The following GRAMD4 variants were observed in gnomAD, a reference collection of about 807,000 sequenced individuals.
GRAMD4 encodes the protein GRAM domain-containing protein 4.
Under a neutral mutation model 83.9 loss-of-function variants are expected in GRAMD4, and 25 were observed. The ratio of observed to expected loss-of-function variants is 0.30; its 90% CI spans 0.22 to 0.42. GRAMD4 has a LOEUF of 0.42. Ranked by LOEUF, GRAMD4 falls within the 10% of genes least tolerant of loss-of-function variation. GRAMD4 has a pLI of 1.00. For missense variants in GRAMD4, 593 were observed against 788.7 expected, an observed-to-expected ratio of 0.75 and a Z score of 2.97; for synonymous variants, 336 against 320.9, an observed-to-expected ratio of 1.05 and a Z score of -0.50.
intron 1 of GRAMD4, among the ~76,000 whole-genome samples, chr22:46,591,079 A>AAAAAC (rs879428379): frequency 0.087 from 13,190 of 151,974 alleles, 713 homozygotes; most frequent in East Asian, 0.27. Context: ...AGAAAAAAAA[A>AAAAAC]CAAACAAACC....
chr22:46,603,715 A>ATC (rs2081338132), intron 1 of GRAMD4, among the ~76,000 whole-genome samples: 1 of 149,216 alleles, frequency 6.7e-6, no homozygotes, highest in Non-Finnish European at 1.5e-5. Context: ...ACGGGGTTTC[A>ATC]ATGTGTTAGC....
chr22:46,662,232 G>T (rs533269251), intron 5 of GRAMD4, among the ~76,000 whole-genome samples: 46 of 152,324 alleles, frequency 3.0e-4, no homozygotes, highest in African/African-American at 1.0e-3. Context: ...GGGTGGCCTT[G>T]GGGTACACAG....
At chr22:46,628,819 G>A (rs191830986) in intron 2 of GRAMD4, among the ~76,000 whole-genome samples, 2 of 152,260 alleles carry the variant, frequency 1.3e-5, no homozygotes, top group East Asian at 3.9e-4. Context: ...AGAGCTGGCC[G>A]CTCCAGGGTG....
At chr22:46,643,538 CTG>C (rs2082022155) in intron 3 of GRAMD4, among the ~76,000 whole-genome samples, 1 of 152,230 alleles carries the variant, frequency 6.6e-6, no homozygotes, top group Non-Finnish European at 1.5e-5. Flanking sequence ...ATTATCTGGT[CTG>C]AGATCTTATT....
chr22:46,614,962 CGT>C (rs1324706627), intron 1 of GRAMD4, among the ~76,000 whole-genome samples: 8 of 37,960 alleles, frequency 2.1e-4, no homozygotes, highest in East Asian at 2.1e-3. Flanking sequence ...TAGGTTCCCC[CGT>C]GTGTAGGTTC....
At chr22:46,667,469 T>G (rs1044553591) in intron 10 of GRAMD4, among the ~76,000 whole-genome samples, 1 of 152,218 alleles carries the variant, frequency 6.6e-6, no homozygotes, top group Non-Finnish European at 1.5e-5. Context: ...GCATTACCCT[T>G]GAGTAGACGA....
intron 2 of GRAMD4, among the ~76,000 whole-genome samples, chr22:46,630,226 G>A (rs192079574): frequency 9.9e-5 from 15 of 152,134 alleles, no homozygotes; most frequent in Admixed American, 6.5e-4. Context: ...GGGTTTCGCC[G>A]TGTTGCCCAG....
At chr22:46,646,101 G>T (rs571210995) in intron 3 of GRAMD4, among the ~76,000 whole-genome samples, 1 of 152,212 alleles carries the variant, frequency 6.6e-6, no homozygotes, top group Non-Finnish European at 1.5e-5. Context: ...TCTTCTTCCT[G>T]TGTTGCTGGA....
intron 1 of GRAMD4, among the ~76,000 whole-genome samples, chr22:46,590,690 G>GCTCAGAGAGATTGGGGGAGA (rs1237563566): frequency 5.9e-5 from 9 of 152,344 alleles, no homozygotes; most frequent in African/African-American, 2.2e-4. Flanking sequence ...GAGGGGAGGA[G>GCTCAGAGAGATTGGGGGAGA]GAGCTCAGAG....
At chr22:46,681,685 C>A (rs1019547682), downstream of GRAMD4, among the ~76,000 whole-genome samples, 1 of 152,150 alleles carries the variant, frequency 6.6e-6, no homozygotes, top group Non-Finnish European at 1.5e-5. Flanking sequence ...CAGGGAGAGT[C>A]CAGAGGGGAA....
intron 10 of GRAMD4, among the ~76,000 whole-genome samples, chr22:46,667,232 G>A (rs896022610): frequency 1.3e-5 from 2 of 152,192 alleles, no homozygotes; most frequent in Non-Finnish European, 2.9e-5. Context: ...GGCTGGACAA[G>A]TGGACCTGTT....
chr22:46,600,009 G>C (rs2081297425), intron 1 of GRAMD4, among the ~76,000 whole-genome samples: 1 of 152,206 alleles, frequency 6.6e-6, no homozygotes, highest in South Asian at 2.1e-4. Flanking sequence ...CTGACCTTAA[G>C]GCCACCAGGA....
upstream of GRAMD4, among the ~76,000 whole-genome samples, chr22:46,619,185 A>T (rs1473514530): frequency 6.6e-6 from 1 of 152,200 alleles, no homozygotes; most frequent in African/African-American, 2.4e-5. Context: ...AATAGTGGCC[A>T]AGGTCGGGCA....
chr22:46,599,049 G>A (rs2081287815), intron 1 of GRAMD4, among the ~76,000 whole-genome samples: 1 of 152,162 alleles, frequency 6.6e-6, no homozygotes, highest in African/African-American at 2.4e-5. Context: ...CCAGGGAACT[G>A]TGTGACACAG....
At chr22:46,601,650 GCCAGACATGT>G (rs2081313631) in intron 1 of GRAMD4, among the ~76,000 whole-genome samples, 1 of 152,044 alleles carries the variant, frequency 6.6e-6, no homozygotes, top group Admixed American at 6.6e-5. Flanking sequence ...AAAAAAATTA[GCCAGACATGT>G]TGGCATGTGC....
chr22:46,633,977 G>A (rs987950447), intron 2 of GRAMD4, among the ~76,000 whole-genome samples: 2 of 152,216 alleles, frequency 1.3e-5, no homozygotes, highest in Admixed American at 6.5e-5. Flanking sequence ...CGTTACTCCT[G>A]GGCCACCCTC....
chr22:46,651,331 C>T (rs1387524447), intron 3 of GRAMD4, among the ~76,000 whole-genome samples: 1 of 152,344 alleles, frequency 6.6e-6, no homozygotes, highest in East Asian at 1.9e-4. Context: ...GGCCGGCCCT[C>T]GACCCTGGAA....
At position 46,672,993 on chromosome 22, in the gene GRAMD4, G is replaced by T. The variant is rs755919298; in HGVS notation, c.1235G>T (p.Arg412Leu). The change falls in exon 14 of 19, where the codon CGC (arginine) becomes CTC (leucine). Residue 412 changes from arginine to leucine, a missense_variant. Transcript: ENST00000406902. This position sits in a 1 kb window ranked among gnomAD's most constrained non-coding sequence, Gnocchi z 4.7. ...LKERSSAAVS[R>L]RLQTTSSRSY... ...GAGCGCTCCAGCGCCGCAGTCTCAC[G>T]CAGGGTGAGCCCGGCCCCCAGCTGC... 6.3e-7 allele frequency: 1 copy of T among 1,594,108 alleles called. No individual in the cohort carries two copies. Among genetic ancestry groups the T allele is most frequent in the East Asian group, 2.3e-5 (1 of 44,284 alleles).
At chr22:46,588,554 C>T (rs374540591) in intron 1 of GRAMD4, among the ~76,000 whole-genome samples, 74 of 152,326 alleles carry the variant, frequency 4.9e-4, no homozygotes, top group African/African-American at 1.7e-3. Flanking sequence ...TTTACAAGGC[C>T]CCACCCTGTC....
Sources: gnomAD v4.1 joint callset for allele counts (sites outside exome capture counted in the v4.1 genomes callset) on GRCh38, gnomAD v4.1.1 for gene constraint, Gnocchi (gnomAD v3.1) non-coding constraint, MANE v1.5 for transcripts, NCBI Gene and HGNC (gene_info 2026-07-23, HGNC 2026-07-21) for gene names.